WDR37: variants seen among roughly 807,000 people sequenced by gnomAD.
WDR37 encodes the protein WD repeat-containing protein 37.
WDR37 carries 19 observed loss-of-function variants against 62.9 expected under a neutral mutation model. The ratio of observed to expected loss-of-function variants is 0.30; its 90% CI spans 0.21 to 0.44. WDR37 has a LOEUF of 0.44. Ranked by LOEUF, WDR37 falls within the 20% of genes least tolerant of loss-of-function variation. The pLI is 1.00. For missense variants in WDR37, 474 were observed against 657.6 expected (o/e 0.72, Z 3.05); for synonymous variants, 250 against 260.9 (o/e 0.96, Z 0.40).
intron 7 of WDR37, among the ~76,000 whole-genome samples, chr10:1,090,996 T>A (rs1834367811): frequency 6.6e-6 from 1 of 152,230 alleles, no homozygotes. Flanking sequence ...GATTGAGCTC[T>A]CTCGAGGGCC....
In WDR37 at chr10:1,126,278, C is replaced by G. The variant is rs367975254; in HGVS notation, c.1353+1254C>G. ...AAAATCAGCCAGGCGTGGTGGCGGG[C>G]GTCTGTAGTCCCAGCTACTCGGGAG... is the stretch of plus-strand genomic sequence containing the variant. On this transcript the variant is annotated intron_variant, in intron 13 of 13. Transcript: ENST00000263150. 2.0e-5 allele frequency among the ~76,000 whole-genome samples: 3 copies of G among 151,892 alleles called. No individual in the cohort carries two copies. In the South Asian group the frequency reaches 6.3e-4, roughly 32 times the overall value.
chr10:1,123,137 T>C (rs1431305902), intron 11 of WDR37, among the ~76,000 whole-genome samples: 1 of 152,208 alleles, frequency 6.6e-6, no homozygotes, highest in East Asian at 1.9e-4. Flanking sequence ...GGGCCACATA[T>C]TTCAACACAT....
rs1249908247 is a variant in WDR37 at position 1,082,507 on chromosome 10, G to A, written c.397-1896G>A. The stretch of plus-strand genomic sequence containing the variant: ...TATTTGCAAACATTTTCACAACCGT[G>A]CTTTAGATTGCGCCGCAGTTCAAAC... On this transcript the variant is annotated intron_variant, in intron 5 of 13. Transcript: ENST00000263150. Among the ~76,000 whole-genome samples, 7 of 152,298 alleles carry A rather than the reference G, an allele frequency of 4.6e-5. No homozygotes were observed. The East Asian group carries it at 1.3e-3, about 29-fold the overall frequency.
At position 1,124,936 on chromosome 10, in the gene WDR37, T is replaced by C; in HGVS notation, c.1265T>C (p.Ile422Thr). The C allele has an allele frequency of 6.2e-7, 1 of 1,614,168 alleles. No individual in the cohort carries two copies. The highest frequency in any genetic ancestry group is 8.5e-7 in the Non-Finnish European group (1 of 1,180,032). The change falls in exon 13 of 14, where the codon ATC (isoleucine) becomes ACC (threonine). Residue 422 changes from isoleucine to threonine, a missense_variant. By Grantham distance (89) the Ile-to-Thr change is moderately conservative. Coordinates refer to ENST00000263150, the MANE Select transcript of WDR37 (RefSeq NM_014023.4). ...ATCAATGTATGTGTCGGCCAAAAAA[T>C]CATAGCCCTCCCCCATGACAACCGA... is the stretch of plus-strand genomic sequence containing the variant. ...NRINVCVGQKIIALPHDNRQV... is the reference protein window; with the variant it reads ...NRINVCVGQKTIALPHDNRQV...
At chr10:1,100,682 GT>G (rs2131655852) in intron 9 of WDR37, among the ~76,000 whole-genome samples, 1 of 152,326 alleles carries the variant, frequency 6.6e-6, no homozygotes, top group Non-Finnish European at 1.5e-5. Context: ...TCACATGTGA[GT>G]TAGGTTACAC....
chr10:1,077,167 C>G (rs925958941), intron 2 of WDR37, among the ~76,000 whole-genome samples: 2 of 152,014 alleles, frequency 1.3e-5, no homozygotes, highest in Admixed American at 6.6e-5. Flanking sequence ...CTAGCAGGCT[C>G]CTGTTGACTG....
intron 1 of WDR37, among the ~76,000 whole-genome samples, chr10:1,065,587 TAA>T (rs914568513): frequency 2.1e-5 from 3 of 140,756 alleles, no homozygotes; most frequent in Non-Finnish European, 1.6e-5. Flanking sequence ...TGTCAGTAGG[TAA>T]AAAAAAAAAG....
chr10:1,086,831 G>A (rs1312234916), intron 7 of WDR37, among the ~76,000 whole-genome samples: 1 of 152,218 alleles, frequency 6.6e-6, no homozygotes, highest in South Asian at 2.1e-4. Context: ...CGCTGTTCAC[G>A]TAGCTCTTTT....
At chr10:1,057,563 C>T (rs1426183017) in intron 1 of WDR37, among the ~76,000 whole-genome samples, 6 of 152,140 alleles carry the variant, frequency 3.9e-5, no homozygotes, top group Admixed American at 3.9e-4. Flanking sequence ...TGAAGACTTC[C>T]TTTTCCTTCC....
chr10:1,115,213 G>A (rs376027050), intron 11 of WDR37, among the ~76,000 whole-genome samples: 10 of 152,298 alleles, frequency 6.6e-5, no homozygotes, highest in African/African-American at 2.4e-4. Context: ...CAACATGGAT[G>A]CAATATTTGA....
chr10:1,067,317 G>A (rs1355375799), intron 1 of WDR37, among the ~76,000 whole-genome samples: 1 of 152,172 alleles, frequency 6.6e-6, no homozygotes, highest in Non-Finnish European at 1.5e-5. Context: ...AATAAATTTA[G>A]ATGTGAAACA....
At chr10:1,098,314 C>G (rs117014471) in intron 9 of WDR37, among the ~76,000 whole-genome samples, 2,711 of 151,448 alleles carry the variant, frequency 0.018, 47 homozygotes, top group East Asian at 0.07. Flanking sequence ...TCTACCCCCT[C>G]CCCATCTGTC....
chr10:1,099,720 C>T (rs1834724855), intron 9 of WDR37, among the ~76,000 whole-genome samples: 1 of 150,856 alleles, frequency 6.6e-6, no homozygotes, highest in South Asian at 2.1e-4. Context: ...GGAGGGTGAG[C>T]ATTGATGCTT....
Position 1,105,371 on chromosome 10 carries a change from C to T in WDR37, c.1103+104C>T. ...TTAATTTTCAGTATTTCCGACTCTACTATCTTTCAAAAAAATAACTACCTT... is the reference window on the plus strand; with the variant it reads ...TTAATTTTCAGTATTTCCGACTCTATTATCTTTCAAAAAAATAACTACCTT... On this transcript the variant is annotated intron_variant, in intron 11 of 13. Coordinates refer to ENST00000263150, the MANE Select transcript of WDR37 (RefSeq NM_014023.4). The surrounding 1 kb of genome is among the most constrained non-coding windows in gnomAD (Gnocchi z 5.3). 1 of 1,361,286 alleles carries T rather than the reference C, an allele frequency of 7.3e-7. No homozygotes were observed. Among genetic ancestry groups the T allele is most frequent in the South Asian group, 1.4e-5 (1 of 69,824 alleles). The allele number at this position is 1,361,286 out of a possible 1,614,324, so 84.3% of individuals were successfully genotyped here.
chr10:1,096,570 G>T (rs1834585131), intron 9 of WDR37: 1 of 361,746 alleles, frequency 2.8e-6, no homozygotes, highest in Non-Finnish European at 5.1e-6. Context: ...ACCTGAATTG[G>T]CTTGATCTTG....
rs972337599 is a variant in WDR37, at chr10:1,129,803, TTG to T, written c.*463_*464del. 6.5e-6 allele frequency: 1 copy of T among 154,536 alleles called. No homozygotes were observed. The highest frequency in any genetic ancestry group is 1.9e-4 in the East Asian group (1 of 5,246). The allele number at this position is 154,536 out of a possible 1,614,324, so 9.6% of individuals were successfully genotyped here. A position where few individuals can be genotyped will look rare whatever the true frequency, so the allele number is the denominator to read the frequency against. Reference sequence around the variant, plus strand: ...CGACCAGCAGGATTGCTCCAGGATTTTGTGTTTACCTCGCGTGAAGTTCAGCA... The same window carrying T: ...CGACCAGCAGGATTGCTCCAGGATTTTGTTTACCTCGCGTGAAGTTCAGCA... On this transcript the variant is annotated 3_prime_UTR_variant, in exon 14 of 14. Coordinates refer to ENST00000263150, the MANE Select transcript of WDR37 (RefSeq NM_014023.4).
chr10:1,107,645 C>T (rs533618375), intron 11 of WDR37, among the ~76,000 whole-genome samples: 1 of 150,170 alleles, frequency 6.7e-6, no homozygotes, highest in East Asian at 2.0e-4. Flanking sequence ...CACATGTGTA[C>T]ACACCTCTCT....
chr10:1,101,161 C>A (rs1435262035), intron 9 of WDR37, among the ~76,000 whole-genome samples: 4 of 152,240 alleles, frequency 2.6e-5, no homozygotes, highest in African/African-American at 7.2e-5. Flanking sequence ...CTTCTCTCAT[C>A]TCCTGTCCGT....
intron 11 of WDR37, among the ~76,000 whole-genome samples, chr10:1,111,891 A>G (rs569430674): frequency 1.3e-5 from 2 of 148,862 alleles, no homozygotes; most frequent in African/African-American, 4.9e-5. Context: ...GTTGGTGGCT[A>G]TTTCTCTCTC....
Sources: allele counts gnomAD v4.1 joint callset (sites outside exome capture counted in the v4.1 genomes callset), GRCh38; gene constraint gnomAD v4.1.1; non-coding constraint Gnocchi (gnomAD v3.1); transcripts MANE v1.5; gene names NCBI Gene and HGNC (gene_info 2026-07-23, HGNC 2026-07-21).